The following NELL1 variants were observed in gnomAD, a reference collection of about 807,000 sequenced individuals.
The protein encoded by NELL1 is protein kinase C-binding protein NELL1.
A neutral mutation model predicts 107.4 loss-of-function variants in NELL1; 76 were observed. The ratio of observed to expected loss-of-function variants is 0.71; its 90% confidence interval spans 0.59 to 0.86. The LOEUF (loss-of-function observed/expected upper bound fraction) is 0.86. NELL1 is among the 40% of genes least tolerant of loss of function. The pLI, the probability that NELL1 is intolerant of heterozygous loss-of-function variation, is 0.00. For missense variants in NELL1, 1,024 were observed against 1,005.5 expected (o/e 1.02, Z -0.25); for synonymous variants, 353 against 341.2 (o/e 1.03, Z -0.38).
chr11:20,862,887 C>G (rs1849006134), intron 4 of NELL1, among the ~76,000 whole-genome samples: 1 of 152,076 alleles, frequency 6.6e-6, no homozygotes, highest in African/African-American at 2.4e-5. Flanking sequence ...CCTGGGTGGA[C>G]ACAGCACATG....
chr11:20,865,548 G>T (rs1849080345), intron 4 of NELL1, among the ~76,000 whole-genome samples: 1 of 109,312 alleles, frequency 9.1e-6, no homozygotes, highest in East Asian at 2.6e-4. Flanking sequence ...GGGCTTCTTT[G>T]CCATCTGGAT....
chr11:20,699,092 CT>C (rs1384405946), intron 2 of NELL1, among the ~76,000 whole-genome samples: 4 of 151,664 alleles, frequency 2.6e-5, no homozygotes, highest in Admixed American at 1.3e-4. Flanking sequence ...TGGCGCACAT[CT>C]GTAGCCCTAG....
intron 10 of NELL1, among the ~76,000 whole-genome samples, chr11:20,940,447 CG>C (rs1850826883): frequency 6.6e-6 from 1 of 151,760 alleles, no homozygotes; most frequent in Admixed American, 6.6e-5. Flanking sequence ...TTAGTAGAGA[CG>C]GGTTGTTGGC....
At chr11:21,480,317 A>G (rs1392347942) in intron 15 of NELL1, among the ~76,000 whole-genome samples, 1 of 152,182 alleles carries the variant, frequency 6.6e-6, no homozygotes, top group Non-Finnish European at 1.5e-5. Context: ...AGATTATCCC[A>G]CAAATTGTCT....
chr11:21,510,036 C>T (rs1168842587), intron 15 of NELL1, among the ~76,000 whole-genome samples: 1 of 152,160 alleles, frequency 6.6e-6, no homozygotes, highest in African/African-American at 2.4e-5. Flanking sequence ...AACTGAAAAG[C>T]TCACTGAAAT....
intron 15 of NELL1, among the ~76,000 whole-genome samples, chr11:21,497,682 A>G (rs1016799086): frequency 6.6e-6 from 1 of 152,126 alleles, no homozygotes; most frequent in African/African-American, 2.4e-5. Context: ...TAAATCAAAT[A>G]TCATATATTA....
chr11:20,827,675 A>G (rs953112515), intron 3 of NELL1, among the ~76,000 whole-genome samples: 3 of 151,224 alleles, frequency 2.0e-5, no homozygotes, highest in Non-Finnish European at 3.0e-5. Flanking sequence ...CTGACATTTC[A>G]TTGTCCGGAA....
intron 12 of NELL1, among the ~76,000 whole-genome samples, chr11:21,038,656 G>A (rs1298754171): frequency 1.3e-5 from 2 of 152,122 alleles, no homozygotes; most frequent in Non-Finnish European, 2.9e-5. Context: ...CTGTGGCCCT[G>A]TTTTATTTTC....
chr11:21,440,869 C>T (rs1339355310), intron 15 of NELL1, among the ~76,000 whole-genome samples: 1 of 151,946 alleles, frequency 6.6e-6, no homozygotes, highest in Non-Finnish European at 1.5e-5. Context: ...TGCAAACCTG[C>T]CTGAGAAAAG....
At chr11:21,343,202 A>G (rs1170095458) in intron 14 of NELL1, among the ~76,000 whole-genome samples, 2 of 151,878 alleles carry the variant, frequency 1.3e-5, no homozygotes, top group Non-Finnish European at 2.9e-5. Context: ...ACTCCCCAGC[A>G]TGGCATACAA....
chr11:21,533,511 C>A (rs56346773), intron 15 of NELL1, among the ~76,000 whole-genome samples: 1 of 152,002 alleles, frequency 6.6e-6, no homozygotes, highest in South Asian at 2.1e-4. Flanking sequence ...GAACTGAACC[C>A]GGTTTAAAAA....
intron 12 of NELL1, among the ~76,000 whole-genome samples, chr11:21,054,478 C>T (rs1001835654): frequency 6.6e-5 from 10 of 151,938 alleles, no homozygotes; most frequent in Non-Finnish European, 1.2e-4. Flanking sequence ...AAAATGGATT[C>T]TATCATTTTA....
At chr11:20,791,729 G>GTT (rs1564910945) in intron 3 of NELL1, among the ~76,000 whole-genome samples, 4 of 23,038 alleles carry the variant, frequency 1.7e-4, no homozygotes, top group Non-Finnish European at 6.4e-4. Context: ...CCAGTCTGGA[G>GTT]GTTTTTTTTT....
intron 12 of NELL1, among the ~76,000 whole-genome samples, chr11:20,981,987 T>C (rs1488857237): frequency 6.6e-6 from 1 of 152,078 alleles, no homozygotes; most frequent in Non-Finnish European, 1.5e-5. Context: ...TCTCTTTCTC[T>C]CTCTTTCTCC....
chr11:21,297,864 G>A (rs1279197095), intron 14 of NELL1, among the ~76,000 whole-genome samples: 1 of 151,892 alleles, frequency 6.6e-6, no homozygotes, highest in Non-Finnish European at 1.5e-5. Context: ...TCTCAGATGA[G>A]CCTTGACAAA....
intron 3 of NELL1, among the ~76,000 whole-genome samples, chr11:20,802,370 C>T (rs1857296924): frequency 6.8e-6 from 1 of 147,950 alleles, no homozygotes; most frequent in Admixed American, 6.7e-5. Context: ...TTCTTGATTT[C>T]TTTTTCAGAT....
chr11:20,959,813 T>C (rs796542447), intron 11 of NELL1, among the ~76,000 whole-genome samples: 5 of 152,192 alleles, frequency 3.3e-5, no homozygotes, highest in Non-Finnish European at 7.3e-5. Context: ...CCTATGGATA[T>C]GAAATATTTT....
intron 12 of NELL1, among the ~76,000 whole-genome samples, chr11:21,055,064 G>A (rs1292472000): frequency 6.6e-6 from 1 of 151,990 alleles, no homozygotes; most frequent in Non-Finnish European, 1.5e-5. Flanking sequence ...TGTGAGGTAG[G>A]TGTCTAATGT....
intron 5 of NELL1, among the ~76,000 whole-genome samples, chr11:20,913,016 T>A (rs1247763452): frequency 6.6e-6 from 1 of 152,170 alleles, no homozygotes; most frequent in African/African-American, 2.4e-5. Context: ...TTGATCATAA[T>A]GAAAGTCGAC....
Sources: gnomAD v4.1 joint callset for allele counts (sites outside exome capture counted in the v4.1 genomes callset) on GRCh38, gnomAD v4.1.1 for gene constraint, MANE v1.5 for transcripts, NCBI Gene and HGNC (gene_info 2026-07-23, HGNC 2026-07-21) for gene names.